Variants in ST8SIA4 observed in about 807,000 individuals in gnomAD.
ST8SIA4 encodes ST8 alpha-N-acetyl-neuraminide alpha-2,8-sialyltransferase 4.
ST8SIA4 carries 15 observed loss-of-function variants against 33.9 expected under a neutral mutation model. That is an observed-to-expected ratio of 0.44 (90% CI 0.30 to 0.68). The LOEUF is 0.68. Among genes scored for constraint, ST8SIA4 ranks in the 30% least tolerant of loss-of-function variants. ST8SIA4 has a pLI of 0.10. For synonymous variants in ST8SIA4, 171 were observed against 151.2 expected (o/e 1.13, Z -0.96); for missense variants, 321 against 428.0 (o/e 0.75, Z 2.21).
intron 4 of ST8SIA4, among the ~76,000 whole-genome samples, chr5:100,829,552 A>G (rs1338220375): frequency 6.6e-6 from 1 of 152,216 alleles, no homozygotes; most frequent in Non-Finnish European, 1.5e-5. Context: ...GTTACAGTAG[A>G]CATAATAAAG....
chr5:100,861,627 T>C (rs552073246), intron 3 of ST8SIA4, among the ~76,000 whole-genome samples: 1 of 152,320 alleles, frequency 6.6e-6, no homozygotes, highest in South Asian at 2.1e-4. Context: ...ACCTCATATT[T>C]ATCCAAATTT....
chr5:100,868,764 A>T (rs758678712), intron 3 of ST8SIA4, among the ~76,000 whole-genome samples: 1 of 152,062 alleles, frequency 6.6e-6, no homozygotes, highest in Non-Finnish European at 1.5e-5. Flanking sequence ...CCTAGCCCTA[A>T]ACCTGAAAAA....
intron 4 of ST8SIA4, among the ~76,000 whole-genome samples, chr5:100,836,011 T>C (rs1193720480): frequency 2.0e-5 from 3 of 152,108 alleles, no homozygotes; most frequent in Non-Finnish European, 4.4e-5. Flanking sequence ...TTAGAACAAC[T>C]GTGATTAATT....
chr5:100,864,784 A>T (rs1752028186), intron 3 of ST8SIA4, among the ~76,000 whole-genome samples: 1 of 152,152 alleles, frequency 6.6e-6, no homozygotes, highest in Non-Finnish European at 1.5e-5. Context: ...TATCAGTGAG[A>T]CATAACATAC....
At position 100,809,388 on chromosome 5, in the gene ST8SIA4, T is replaced by C. The variant is rs1176469933; in HGVS notation, c.*2459A>G. On this transcript the variant is annotated 3_prime_UTR_variant, in exon 5 of 5. Transcript: ENST00000231461. ...TCACTTGAACCCAGGAGGTGGAGGT[T>C]GCAGTGAGCTGAGATGGCATCACTG... 1 of 146,668 alleles carries C rather than the reference T, an allele frequency of 6.8e-6. No individual in the cohort carries two copies. Among genetic ancestry groups the C allele is most frequent in the Non-Finnish European group, 1.5e-5 (1 of 67,320 alleles). The allele number at this position is 146,668 out of a possible 1,614,324, so 9.1% of individuals were successfully genotyped here.
chr5:100,891,190 T>C (rs547845783), intron 2 of ST8SIA4, among the ~76,000 whole-genome samples: 1 of 152,014 alleles, frequency 6.6e-6, no homozygotes, highest in East Asian at 1.9e-4. Context: ...TGACGAATCT[T>C]ATAGGTGGAA....
chr5:100,878,126 A>C (rs772777668), intron 3 of ST8SIA4, among the ~76,000 whole-genome samples: 1 of 152,212 alleles, frequency 6.6e-6, no homozygotes, highest in Non-Finnish European at 1.5e-5. Context: ...TCAAATGAGA[A>C]GAATGAGGTC....
intron 3 of ST8SIA4, among the ~76,000 whole-genome samples, chr5:100,875,239 A>G: frequency 6.6e-6 from 1 of 152,176 alleles, no homozygotes; most frequent in East Asian, 1.9e-4. Flanking sequence ...ATCTGTTAAT[A>G]GTTAATTATA....
chr5:100,885,759 C>T, intron 3 of ST8SIA4: 1 of 943,480 alleles, frequency 1.1e-6, no homozygotes, highest in South Asian at 4.9e-5. Flanking sequence ...TATCTTTTAA[C>T]CGTTAATGAA....
intron 3 of ST8SIA4, among the ~76,000 whole-genome samples, chr5:100,863,164 A>G (rs1427745435): frequency 6.6e-6 from 1 of 152,228 alleles, no homozygotes; most frequent in African/African-American, 2.4e-5. Context: ...AGGTAGGAAT[A>G]TACAGAAGGT....
At chr5:100,844,095 C>G (rs892407460) in intron 4 of ST8SIA4, among the ~76,000 whole-genome samples, 1 of 151,760 alleles carries the variant, frequency 6.6e-6, no homozygotes, top group Non-Finnish European at 1.5e-5. Flanking sequence ...TACTAGAGGG[C>G]CAGAGTTCCT....
In ST8SIA4 at chr5:100,808,770, C is replaced by T. The variant is rs1248774997; in HGVS notation, c.*3077G>A. On this transcript the variant is annotated 3_prime_UTR_variant, in exon 5 of 5. Transcript: ENST00000231461. ...TTGCCATTAGCCTTCATTGATCTTG[C>T]TCTGTTTCCATAAAAAGGCCACAGT... 1 of 152,602 alleles carries T rather than the reference C, an allele frequency of 6.6e-6. No individual in the cohort carries two copies. Among genetic ancestry groups the T allele is most frequent in the Non-Finnish European group, 1.5e-5 (1 of 68,034 alleles). 9.5% of individuals were successfully genotyped at this position (152,602 alleles called of 1,614,324 possible).
At chr5:100,819,069 C>T (rs118097417) in intron 4 of ST8SIA4, among the ~76,000 whole-genome samples, 2 of 152,202 alleles carry the variant, frequency 1.3e-5, no homozygotes, top group East Asian at 3.9e-4. Flanking sequence ...AATTTTACTC[C>T]ATATAGTTTC....
intron 4 of ST8SIA4, among the ~76,000 whole-genome samples, chr5:100,852,370 C>A (rs1293093470): frequency 6.6e-6 from 1 of 151,622 alleles, no homozygotes; most frequent in Non-Finnish European, 1.5e-5. Flanking sequence ...AATCCACGCA[C>A]CTTGGCCTCC....
At chr5:100,821,066 G>A (rs1751022475) in intron 4 of ST8SIA4, among the ~76,000 whole-genome samples, 1 of 152,090 alleles carries the variant, frequency 6.6e-6, no homozygotes, top group South Asian at 2.1e-4. Flanking sequence ...TAGAAAAATA[G>A]AAAGGGATGG....
intron 3 of ST8SIA4, among the ~76,000 whole-genome samples, chr5:100,880,878 A>T (rs1752405994): frequency 6.6e-6 from 1 of 152,188 alleles, no homozygotes; most frequent in Admixed American, 6.5e-5. Flanking sequence ...TAATTAAATA[A>T]GATATTTGTA....
At chr5:100,840,315 T>C (rs951645854) in intron 4 of ST8SIA4, among the ~76,000 whole-genome samples, 1 of 151,930 alleles carries the variant, frequency 6.6e-6, no homozygotes, top group Admixed American at 6.6e-5. Flanking sequence ...TATTTATGTG[T>C]GTGTATGTGT....
At position 100,903,253 on chromosome 5, in the gene ST8SIA4, G is replaced by A. The variant is rs879067957; in HGVS notation, c.-298C>T. The stretch of plus-strand genomic sequence containing the variant: ...GACACCTTGTGCATTGGAGGTGGCG[G>A]CAGCTTCTGCAGCTGGGTTCGGGGG... On this transcript the variant is annotated 5_prime_UTR_variant, in exon 1 of 5. Coordinates refer to ENST00000231461, the MANE Select transcript of ST8SIA4 (RefSeq NM_005668.6). 14 of 365,978 alleles carry A rather than the reference G, an allele frequency of 3.8e-5. No homozygotes were observed. Among genetic ancestry groups the A allele is most frequent in the South Asian group, 1.8e-4 (6 of 32,874 alleles). The allele number at this position is 365,978 out of a possible 1,614,324, so 22.7% of individuals were successfully genotyped here.
intron 2 of ST8SIA4, among the ~76,000 whole-genome samples, chr5:100,889,421 G>T (rs1462602126): frequency 6.6e-6 from 1 of 151,898 alleles, no homozygotes; most frequent in Non-Finnish European, 1.5e-5. Flanking sequence ...CTCCCAAGAA[G>T]TGGCATGTTT....
Sources: gnomAD v4.1 joint callset for allele counts (sites outside exome capture counted in the v4.1 genomes callset) on GRCh38, gnomAD v4.1.1 for gene constraint, MANE v1.5 for transcripts, NCBI Gene and HGNC (gene_info 2026-07-23, HGNC 2026-07-21) for gene names.